The following NPNT variants were observed in gnomAD, a reference collection of about 807,000 sequenced individuals.
The protein encoded by NPNT is preosteoblast EGF-like repeat protein with MAM domain.
In NPNT, 45 loss-of-function variants were observed where a neutral mutation model predicts 68.6. The ratio of observed to expected loss-of-function variants is 0.66; its 90% confidence interval spans 0.52 to 0.84. The LOEUF is 0.84. NPNT is among the 40% of genes least tolerant of loss of function. NPNT has a pLI of 0.00. For synonymous variants in NPNT, 233 were observed against 253.3 expected (o/e 0.92, Z 0.76); for missense variants, 672 against 714.8 (o/e 0.94, Z 0.68).
At chr4:105,950,832 A>G (rs1361091895) in intron 8 of NPNT, among the ~76,000 whole-genome samples, 1 of 152,178 alleles carries the variant, frequency 6.6e-6, no homozygotes, top group Non-Finnish European at 1.5e-5. Flanking sequence ...CATGTTGCCC[A>G]GGCTGGTCTT....
intron 8 of NPNT, among the ~76,000 whole-genome samples, chr4:105,950,345 T>G (rs1027944092): frequency 1.5e-3 from 2 of 1,338 alleles, no homozygotes; most frequent in Non-Finnish European, 4.7e-3. Context: ...ATAACATAGT[T>G]ATTTTATGCT....
At chr4:105,967,479 C>T (rs201562058) in intron 11 of NPNT, 35 bp downstream of exon 11, 30 of 1,505,222 alleles carry the variant, frequency 2.0e-5, no homozygotes, top group East Asian at 1.7e-4. Flanking sequence ...GGACCTGGGA[C>T]GTTTTCCTTT....
At chr4:105,967,060 C>T in intron 10 of NPNT, 128 bp from the exon 11 acceptor site, 1 of 868,202 alleles carries the variant, frequency 1.2e-6, no homozygotes, top group Non-Finnish European at 1.7e-6. Context: ...TCATATTTTT[C>T]TTCTTCAAAA....
intron 2 of NPNT, among the ~76,000 whole-genome samples, chr4:105,919,985 AATG>A (rs1728123640): frequency 6.6e-6 from 1 of 152,014 alleles, no homozygotes; most frequent in Non-Finnish European, 1.5e-5. Flanking sequence ...TAATTATTTC[AATG>A]ATGATTGTAA....
At chr4:105,968,298 TAAAAC>T (rs1341150511) in intron 11 of NPNT, among the ~76,000 whole-genome samples, 3 of 152,210 alleles carry the variant, frequency 2.0e-5, no homozygotes, top group Non-Finnish European at 2.9e-5. Context: ...TTTAGAGAAA[TAAAAC>T]AAGATAATCA....
intron 2 of NPNT, chr4:105,911,597 C>G (rs1727368990): frequency 6.5e-6 from 1 of 153,040 alleles, no homozygotes; most frequent in Non-Finnish European, 1.5e-5. Context: ...AATGGCTGTG[C>G]TTTCATGGTA....
intron 5 of NPNT, 116 bp downstream of exon 5, chr4:105,938,536 T>C (rs775709909): frequency 5.9e-5 from 61 of 1,034,054 alleles, no homozygotes; most frequent in Non-Finnish European, 8.2e-5. Flanking sequence ...TAATTAGCTA[T>C]CGTTCAGAAG....
rs1036112211 is a variant in NPNT at position 105,971,006 on chromosome 4, T to C, written c.*2016T>C. On this transcript the variant is annotated 3_prime_UTR_variant, in exon 12 of 12. Transcript: ENST00000379987. ...AGTATGATGGACAGATATTTTAGTA[T>C]CTCAGTAATGTCCTAGTGTGGCGGT... 5 of 333,280 alleles carry C rather than the reference T, an allele frequency of 1.5e-5. No homozygotes were observed. The highest frequency in any genetic ancestry group is 3.0e-5 in the Non-Finnish European group (5 of 165,506). The allele number at this position is 333,280 out of a possible 1,614,324, so 20.6% of individuals were successfully genotyped here. A position where few individuals can be genotyped will look rare whatever the true frequency, so the allele number is the denominator to read the frequency against.
chr4:105,965,360 C>CAA lies in NPNT; in HGVS notation c.1346-1812_1346-1811dup, dbSNP rs367576063. Among the ~76,000 whole-genome samples the CAA allele has an allele frequency of 3.6e-3, 255 of 71,782 alleles. 2 individuals carry two copies. Among genetic ancestry groups the CAA allele is most frequent in the African/African-American group, 9.2e-3 (229 of 24,904 alleles). 47.1% of individuals were successfully genotyped at this position (71,782 alleles called of 152,430 possible). On this transcript the variant is annotated intron_variant, in intron 10 of 11. Coordinates refer to ENST00000379987, the MANE Select transcript of NPNT (RefSeq NM_001033047.3). ...ACAAAGGGAACGAATTCTTCATGGC[C>CAA]AAAAAAAAAAAAAAAAACGGCAAAA...
chr4:105,920,101 T>C (rs1342700226), intron 2 of NPNT, among the ~76,000 whole-genome samples: 1 of 152,042 alleles, frequency 6.6e-6, no homozygotes, highest in Non-Finnish European at 1.5e-5. Flanking sequence ...TTCGTAACCA[T>C]AGATTCTTTT....
intron 2 of NPNT, among the ~76,000 whole-genome samples, chr4:105,903,286 GAATCC>G (rs1179665351): frequency 6.6e-6 from 1 of 152,164 alleles, no homozygotes; most frequent in Non-Finnish European, 1.5e-5. Context: ...TGAGTTAGTT[GAATCC>G]ACTGTATGCT....
At position 105,898,328 on chromosome 4, in the gene NPNT, G is replaced by GTCTCTCTCTCTCTCTCTCTC. The variant is rs66945682; in HGVS notation, c.172+360_172+379dup. Among the ~76,000 whole-genome samples the GTCTCTCTCTCTCTCTCTCTC allele has an allele frequency of 4.4e-3, 235 of 53,956 alleles. 29 individuals carry two copies. Among genetic ancestry groups the GTCTCTCTCTCTCTCTCTCTC allele is most frequent in the Non-Finnish European group, 5.9e-3 (166 of 28,296 alleles). The allele number at this position is 53,956 out of a possible 152,430, so 35.4% of individuals were successfully genotyped here. On this transcript the variant is annotated intron_variant, in intron 2 of 11. Coordinates refer to ENST00000379987, the MANE Select transcript of NPNT (RefSeq NM_001033047.3). ...TCTCTCTCTGTCTCTCTCTCTCTCT[G>GTCTCTCTCTCTCTCTCTCTC]TCTCTCTCTCTCTCTCTCTCTCTCT...
intron 2 of NPNT, among the ~76,000 whole-genome samples, chr4:105,899,671 C>G (rs561984961): frequency 2.6e-5 from 4 of 152,172 alleles, no homozygotes; most frequent in Non-Finnish European, 4.4e-5. Flanking sequence ...CAAAGTAGTT[C>G]CAAGGTTTTC....
intron 3 of NPNT, among the ~76,000 whole-genome samples, chr4:105,927,991 GC>G (rs1728818138): frequency 6.6e-6 from 1 of 152,080 alleles, no homozygotes; most frequent in African/African-American, 2.4e-5. Context: ...CACTCATAGT[GC>G]CCCAGGTATT....
chr4:105,900,834 GTTT>G (rs765343668), intron 2 of NPNT, among the ~76,000 whole-genome samples: 3 of 96,636 alleles, frequency 3.1e-5, no homozygotes, highest in Non-Finnish European at 6.1e-5. Context: ...ACCCTTGGTT[GTTT>G]TTTTTTTTTT....
At chr4:105,948,862 T>G (rs2149386733) in intron 8 of NPNT, among the ~76,000 whole-genome samples, 1 of 152,244 alleles carries the variant, frequency 6.6e-6, no homozygotes, top group African/African-American at 2.4e-5. Flanking sequence ...CCTCCCCAAG[T>G]GCTGGGATTC....
In NPNT at chr4:105,940,157, G is replaced by A. The variant is rs781730135; in HGVS notation, c.588G>A (p.Lys196=). The A allele has an allele frequency of 1.9e-6, 3 of 1,613,130 alleles. No homozygotes were observed. Among genetic ancestry groups the A allele is most frequent in the East Asian group, 2.2e-5 (1 of 44,872 alleles). The change falls in exon 6 of 12, where the codon AAG becomes AAA. Residue 196 remains lysine, a synonymous_variant. Transcript: ENST00000379987. ...ACACTTTTGGGAGCTACATCTGCAA[G>A]TGTCATAAAGGCTTCGATCTCATGT... is the stretch of plus-strand genomic sequence containing the variant. ...CVNTFGSYIC[K]CHKGFDLMYI...
At chr4:105,958,212 A>G (rs1256540264) in intron 8 of NPNT, among the ~76,000 whole-genome samples, 1 of 152,158 alleles carries the variant, frequency 6.6e-6, no homozygotes, top group Non-Finnish European at 1.5e-5. Flanking sequence ...CCAGATAAAG[A>G]CTTTTTAAGT....
At chr4:105,939,336 G>T (rs947768426) in intron 5 of NPNT, among the ~76,000 whole-genome samples, 3 of 152,196 alleles carry the variant, frequency 2.0e-5, no homozygotes, top group Non-Finnish European at 4.4e-5. Context: ...GCACTGCGGT[G>T]AGAGAGAGGT....
Sources: gnomAD v4.1 joint callset for allele counts (sites outside exome capture counted in the v4.1 genomes callset) on GRCh38, gnomAD v4.1.1 for gene constraint, MANE v1.5 for transcripts, NCBI Gene and HGNC (gene_info 2026-07-23, HGNC 2026-07-21) for gene names.